The following SEPTIN9 variants were observed in gnomAD, a reference collection of about 807,000 sequenced individuals.
The protein encoded by SEPTIN9 is septin 9, also known as septin-9.
In SEPTIN9, 13 loss-of-function variants were observed where a neutral mutation model predicts 56.6. The observed-to-expected ratio is 0.23, with a 90% CI of 0.15 to 0.37. The LOEUF (loss-of-function observed/expected upper bound fraction) is 0.37, where lower values mean the gene tolerates loss of function less well. SEPTIN9 is among the 10% of genes least tolerant of loss of function. The pLI, the probability that SEPTIN9 is intolerant of heterozygous loss-of-function variation, is 1.00. For synonymous variants in SEPTIN9, 332 were observed against 334.1 expected, an observed-to-expected ratio of 0.99 and a Z score of 0.07; for missense variants, 650 against 823.1, an observed-to-expected ratio of 0.79 and a Z score of 2.57.
At chr17:77,467,950 C>T (rs1034829002) in intron 3 of SEPTIN9, among the ~76,000 whole-genome samples, 5 of 152,118 alleles carry the variant, frequency 3.3e-5, no homozygotes, top group African/African-American at 1.2e-4. Flanking sequence ...AGACAGCAAT[C>T]GGAGGGCCAC....
intron 3 of SEPTIN9, chr17:77,466,269 G>T (rs568818944): frequency 7.0e-5 from 28 of 400,434 alleles, no homozygotes; most frequent in Non-Finnish European, 5.8e-5. Context: ...AGATGCAGCC[G>T]AGGAGCCCAG....
chr17:77,361,993 C>T (rs1481813685), intron 2 of SEPTIN9, among the ~76,000 whole-genome samples: 1 of 152,246 alleles, frequency 6.6e-6, no homozygotes, highest in Non-Finnish European at 1.5e-5. Context: ...AGACCATATG[C>T]ACCATGTAGA....
chr17:77,445,013 C>T lies in SEPTIN9; in HGVS notation c.722-37131C>T, dbSNP rs1297689037. ...AAGAAACCAGAAGAGGAACATGTCA[C>T]CCAAATGTGCTGAAACAGCCCAGCA... On this transcript the variant is annotated intron_variant, in intron 3 of 11. Transcript: ENST00000427177. The surrounding 1 kb of genome is among the most constrained non-coding windows in gnomAD (Gnocchi z 4.7). 2 of 372,716 alleles carry T rather than the reference C, an allele frequency of 5.4e-6. No individual in the cohort carries two copies. Among genetic ancestry groups the T allele is most frequent in the Middle Eastern group, 3.8e-4 (1 of 2,628 alleles). 23.1% of individuals were successfully genotyped at this position (372,716 alleles called of 1,614,324 possible).
intron 2 of SEPTIN9, among the ~76,000 whole-genome samples, chr17:77,348,366 T>G (rs2033955027): frequency 6.8e-6 from 1 of 147,806 alleles, no homozygotes; most frequent in South Asian, 2.3e-4. Context: ...TAGCATGATC[T>G]TGGCTCACTG....
chr17:77,320,234 G>T (rs1176217257), intron 2 of SEPTIN9: 6 of 1,610,914 alleles, frequency 3.7e-6, no homozygotes, highest in Non-Finnish European at 5.1e-6. Context: ...GGAGGAGGAG[G>T]CTGAGAGAGG....
Position 77,453,535 on chromosome 17 carries a change from G to A in SEPTIN9, c.722-28609G>A, listed in dbSNP as rs2038065121. ...CAGGAGAATCACTTGAACCTGGGAG[G>A]TGGAGGTTGCAGTGAGCTGAGATTG... On this transcript the variant is annotated intron_variant, in intron 3 of 11. Coordinates refer to ENST00000427177, the MANE Select transcript of SEPTIN9 (RefSeq NM_001113491.2). The surrounding 1 kb of genome is among the most constrained non-coding windows in gnomAD (Gnocchi z 4.4). 6.6e-6 allele frequency among the ~76,000 whole-genome samples: 1 copy of A among 151,882 alleles called. No individual in the cohort carries two copies.
chr17:77,418,691 T>G (rs1006928769), intron 3 of SEPTIN9, among the ~76,000 whole-genome samples: 1 of 152,104 alleles, frequency 6.6e-6, no homozygotes, highest in African/African-American at 2.4e-5. Flanking sequence ...TGTCCACGCC[T>G]CCTCCTTTCC....
At position 77,402,597 on chromosome 17, in the gene SEPTIN9, C is replaced by T; in HGVS notation, c.615C>T (p.Ala205=). The T allele has an allele frequency of 1.9e-6, 3 of 1,612,646 alleles. No homozygotes were observed. Among genetic ancestry groups the T allele is most frequent in the Non-Finnish European group, 2.5e-6 (3 of 1,179,540 alleles). Residue 205 remains alanine, a synonymous_variant, in exon 3 of 12, where the codon GCC becomes GCT. Transcript: ENST00000427177. The surrounding 1 kb of genome is among the most constrained non-coding windows in gnomAD (Gnocchi z 6.6). Reference sequence around the variant, plus strand: ...AGGCGCCCACCGCCCCCAGCCCAGCCCAGACCTTGGAGAATTCAGAGCCTG... The same window carrying T: ...AGGCGCCCACCGCCCCCAGCCCAGCTCAGACCTTGGAGAATTCAGAGCCTG... The part of the protein sequence containing the change: ...PAEAPTAPSP[A]QTLENSEPAP...
chr17:77,460,323 G>T (rs145013709), intron 3 of SEPTIN9, among the ~76,000 whole-genome samples: 169 of 152,274 alleles, frequency 1.1e-3, no homozygotes, highest in African/African-American at 3.9e-3. Flanking sequence ...AGGCCCCTAC[G>T]TTGTGTGTGC....
chr17:77,405,216 C>A lies in SEPTIN9; in HGVS notation c.721+2513C>A. The A allele has an allele frequency of 7.5e-7, 1 of 1,339,634 alleles. No individual in the cohort carries two copies. Among genetic ancestry groups the A allele is most frequent in the Non-Finnish European group, 1.0e-6 (1 of 978,544 alleles). The allele number at this position is 1,339,634 out of a possible 1,614,324, so 83.0% of individuals were successfully genotyped here. ...ACACAGTTTAGCCCCTAAATTGTGC[C>A]AGAGACTGTGCCGGGAGCCAGGCCC... On this transcript the variant is annotated intron_variant, in intron 3 of 11. Transcript: ENST00000427177. This position sits in a 1 kb window ranked among gnomAD's most constrained non-coding sequence, Gnocchi z 5.8.
chr17:77,497,822 G>A (rs552560828), intron 11 of SEPTIN9, among the ~76,000 whole-genome samples: 61 of 152,252 alleles, frequency 4.0e-4, no homozygotes, highest in African/African-American at 1.5e-3. Context: ...GAGGGTGCTG[G>A]GTGGGTGGTC....
chr17:77,488,599 A>G, intron 6 of SEPTIN9, 128 bp from the exon 7 acceptor site: 2 of 1,362,074 alleles, frequency 1.5e-6, no homozygotes, highest in Non-Finnish European at 2.0e-6. Flanking sequence ...TCCGCTCAGC[A>G]AGCCAGACCT....
chr17:77,484,994 G>A (rs1598453097), intron 4 of SEPTIN9, among the ~76,000 whole-genome samples: 1 of 37,882 alleles, frequency 2.6e-5, no homozygotes, highest in South Asian at 6.5e-4. Context: ...GATTGTGATG[G>A]TGGTGAAGGG....
At chr17:77,469,789 T>TCACCCATCCACGCACC (rs1377465746) in intron 3 of SEPTIN9, 2 of 100,532 alleles carry the variant, frequency 2.0e-5, no homozygotes, top group African/African-American at 8.4e-5. Context: ...ATCCACTCAC[T>TCACCCATCCACGCACC]CACCCATCCA....
intron 2 of SEPTIN9, among the ~76,000 whole-genome samples, chr17:77,399,050 C>T (rs531874042): frequency 5.3e-5 from 8 of 152,324 alleles, no homozygotes; most frequent in African/African-American, 1.4e-4. Flanking sequence ...GCGCCAGCCA[C>T]GCAGACAACT....
chr17:77,425,509 G>C lies in SEPTIN9; in HGVS notation c.721+22806G>C, dbSNP rs539360888. ...GTCATGGGGACGCTGCCTGGGGGGG[G>C]TTCCCTTACATGGAAGGAGCTGCAG... On this transcript the variant is annotated intron_variant, in intron 3 of 11. Transcript: ENST00000427177. The surrounding 1 kb of genome is among the most constrained non-coding windows in gnomAD (Gnocchi z 4.2). Among the ~76,000 whole-genome samples, 1 of 152,292 alleles carries C rather than the reference G, an allele frequency of 6.6e-6. No homozygotes were observed. Among genetic ancestry groups the C allele is most frequent in the Admixed American group, 6.5e-5 (1 of 15,300 alleles).
rs1238321452 is a variant in SEPTIN9, at chr17:77,434,397, G to A, written c.721+31694G>A. 6.6e-6 allele frequency among the ~76,000 whole-genome samples: 1 copy of A among 152,192 alleles called. No homozygotes were observed. The highest frequency in any genetic ancestry group is 2.4e-5 in the African/African-American group (1 of 41,466). The stretch of plus-strand genomic sequence containing the variant: ...TCTGCTGGTGGGTGGCTGAGGCTGC[G>A]GTGAGGTCTCCATGGCTCCCTCGTC... On this transcript the variant is annotated intron_variant, in intron 3 of 11. Transcript: ENST00000427177. This position sits in a 1 kb window ranked among gnomAD's most constrained non-coding sequence, Gnocchi z 5.0.
intron 2 of SEPTIN9, among the ~76,000 whole-genome samples, chr17:77,372,128 G>T (rs759043165): frequency 6.6e-6 from 1 of 152,190 alleles, no homozygotes; most frequent in African/African-American, 2.4e-5. Flanking sequence ...CTGCTGCTTC[G>T]GGGGTGGGGG....
intron 3 of SEPTIN9, chr17:77,404,977 C>A: frequency 9.3e-7 from 1 of 1,081,020 alleles, no homozygotes; most frequent in South Asian, 1.5e-5. Flanking sequence ...GGTGCAGGAC[C>A]TTTGTTTGAC....
Sources: allele counts gnomAD v4.1 joint callset (sites outside exome capture counted in the v4.1 genomes callset), GRCh38; gene constraint gnomAD v4.1.1; non-coding constraint Gnocchi (gnomAD v3.1); transcripts MANE v1.5; gene names NCBI Gene and HGNC (gene_info 2026-07-23, HGNC 2026-07-21).